The following LGR5 variants were observed in gnomAD, a reference collection of about 807,000 sequenced individuals.
LGR5 encodes leucine rich repeat containing G protein-coupled receptor 5.
A neutral mutation model predicts 76.7 loss-of-function variants in LGR5; 54 were observed. The observed-to-expected ratio is 0.70, with a 90% CI of 0.57 to 0.88. The LOEUF is 0.88. Ranked by LOEUF, LGR5 falls within the 40% of genes least tolerant of loss-of-function variation. LGR5 has a pLI of 0.00. For missense variants in LGR5, 1,078 were observed against 1,073.3 expected, an observed-to-expected ratio of 1.00 and a Z score of -0.06; for synonymous variants, 406 against 421.9, an observed-to-expected ratio of 0.96 and a Z score of 0.46.
At chr12:71,490,887 C>T (rs1302263829) in intron 1 of LGR5, among the ~76,000 whole-genome samples, 1 of 152,156 alleles carries the variant, frequency 6.6e-6, no homozygotes. Flanking sequence ...ATAGCAAAGA[C>T]TTTGATATGG....
chr12:71,523,561 C>T (rs1482359632), intron 2 of LGR5, among the ~76,000 whole-genome samples: 14 of 152,120 alleles, frequency 9.2e-5, no homozygotes, highest in African/African-American at 3.4e-4. Context: ...ATGATCAGCT[C>T]CTCAAAATAC....
At chr12:71,519,232 C>T (rs1041674312) in intron 2 of LGR5, among the ~76,000 whole-genome samples, 4 of 152,086 alleles carry the variant, frequency 2.6e-5, no homozygotes, top group Admixed American at 6.6e-5. Context: ...GTCTTTATAT[C>T]GATACCTGCA....
chr12:71,449,018 G>A (rs1872140238), intron 1 of LGR5, among the ~76,000 whole-genome samples: 1 of 152,208 alleles, frequency 6.6e-6, no homozygotes. Flanking sequence ...TGCGACCCAA[G>A]GGACAGTGCT....
chr12:71,540,891 G>A (rs901352681), intron 4 of LGR5, among the ~76,000 whole-genome samples: 1 of 152,162 alleles, frequency 6.6e-6, no homozygotes, highest in Non-Finnish European at 1.5e-5. Context: ...TTTAGTATTG[G>A]TGATATTCCT....
intron 6 of LGR5, 42 bp downstream of exon 6, chr12:71,556,732 C>A: frequency 6.9e-7 from 1 of 1,447,806 alleles, no homozygotes; most frequent in Non-Finnish European, 9.7e-7. Context: ...TCAGTATTTT[C>A]ATGAATATTC....
chr12:71,449,479 A>T (rs1872162410), intron 1 of LGR5, among the ~76,000 whole-genome samples: 1 of 152,080 alleles, frequency 6.6e-6, no homozygotes, highest in African/African-American at 2.4e-5. Context: ...TTCTCCCAGG[A>T]TGTGAGCATA....
intron 8 of LGR5, among the ~76,000 whole-genome samples, chr12:71,564,874 C>CACTG (rs1175783672): frequency 1.3e-5 from 2 of 150,330 alleles, no homozygotes; most frequent in Non-Finnish European, 3.0e-5. Context: ...TGTGCACACA[C>CACTG]TGTATATATA....
chr12:71,466,887 C>A (rs1390733165), intron 1 of LGR5, among the ~76,000 whole-genome samples: 3 of 151,956 alleles, frequency 2.0e-5, no homozygotes, highest in Admixed American at 2.0e-4. Context: ...AGGCAGAATG[C>A]ATCTGACTTT....
intron 4 of LGR5, among the ~76,000 whole-genome samples, chr12:71,549,360 T>G (rs192548720): frequency 2.6e-5 from 4 of 152,264 alleles, no homozygotes; most frequent in Non-Finnish European, 5.9e-5. Flanking sequence ...GATGAATAAC[T>G]TCTGAAGAGC....
chr12:71,449,132 A>G (rs1334235429), intron 1 of LGR5, among the ~76,000 whole-genome samples: 1 of 152,190 alleles, frequency 6.6e-6, no homozygotes, highest in Non-Finnish European at 1.5e-5. Flanking sequence ...CCCTCGCTTC[A>G]AGATAGTATC....
chr12:71,478,267 A>G (rs1873428543), intron 1 of LGR5, among the ~76,000 whole-genome samples: 1 of 152,200 alleles, frequency 6.6e-6, no homozygotes, highest in African/African-American at 2.4e-5. Context: ...TTGGCTCTTG[A>G]GAGGCTTGTC....
At chr12:71,478,665 A>T (rs1873446872) in intron 1 of LGR5, among the ~76,000 whole-genome samples, 1 of 152,234 alleles carries the variant, frequency 6.6e-6, no homozygotes, top group Non-Finnish European at 1.5e-5. Flanking sequence ...TCATTTTTCC[A>T]ATGCACATCA....
In LGR5 at chr12:71,517,777, A is replaced by G. The variant is rs116959023; in HGVS notation, c.285-6629A>G. Among the ~76,000 whole-genome samples the G allele has an allele frequency of 5.5e-3, 836 of 152,366 alleles. 5 individuals carry two copies. Among genetic ancestry groups the G allele is most frequent in the Admixed American group, 0.01 (158 of 15,300 alleles). On this transcript the variant is annotated intron_variant, in intron 2 of 17. Coordinates refer to ENST00000266674, the MANE Select transcript of LGR5 (RefSeq NM_003667.4). ...TTAATTCAAAAAGCAACTTTTTTGT[A>G]TCACATCATGCCCATTTCATTTGCT...
At chr12:71,446,884 A>G (rs548238709) in intron 1 of LGR5, among the ~76,000 whole-genome samples, 1 of 152,346 alleles carries the variant, frequency 6.6e-6, no homozygotes, top group African/African-American at 2.4e-5. Flanking sequence ...TACCACAGAA[A>G]CAATTTTTCT....
intron 4 of LGR5, among the ~76,000 whole-genome samples, chr12:71,544,297 TTTTTTTTTTCTTCTTCTTC>T (rs1257475915): frequency 7.0e-5 from 7 of 99,764 alleles, no homozygotes; most frequent in Admixed American, 1.5e-4. Flanking sequence ...TTCTTCGTCT[TTTTTTTTTTCTTCTTCTTC>T]TTTTTTTTTT....
At chr12:71,578,105 GC>G in intron 14 of LGR5, 109 bp downstream of exon 14, 1 of 787,338 alleles carries the variant, frequency 1.3e-6, no homozygotes, top group Non-Finnish European at 2.1e-6. Context: ...CAGATTACCT[GC>G]CTCTGTGTTC....
chr12:71,467,716 A>G (rs1349224169), intron 1 of LGR5, among the ~76,000 whole-genome samples: 1 of 152,238 alleles, frequency 6.6e-6, no homozygotes, highest in Non-Finnish European at 1.5e-5. Flanking sequence ...GTTGCATGCA[A>G]CAGTAATTTT....
At chr12:71,481,383 G>A (rs1027339707) in intron 1 of LGR5, among the ~76,000 whole-genome samples, 3 of 152,152 alleles carry the variant, frequency 2.0e-5, no homozygotes, top group Non-Finnish European at 4.4e-5. Context: ...TGCTGAGAAT[G>A]ATGGCTTCTA....
chr12:71,472,015 C>T (rs117328124), intron 1 of LGR5, among the ~76,000 whole-genome samples: 1,991 of 152,074 alleles, frequency 0.013, 25 homozygotes, highest in Non-Finnish European at 0.021. Context: ...GGTAGAAGGG[C>T]GGTGAGGGAT....
Sources: allele counts gnomAD v4.1 joint callset (sites outside exome capture counted in the v4.1 genomes callset), GRCh38; gene constraint gnomAD v4.1.1; transcripts MANE v1.5; gene names NCBI Gene and HGNC (gene_info 2026-07-23, HGNC 2026-07-21).